Variants in CSMD1 observed in about 807,000 individuals in gnomAD.
The protein encoded by CSMD1 is CUB and Sushi multiple domains 1.
CSMD1 carries 213 observed loss-of-function variants against 417.5 expected under a neutral mutation model. That is an observed-to-expected ratio of 0.51 (90% CI 0.46 to 0.57). The LOEUF (loss-of-function observed/expected upper bound fraction) is 0.57, where lower values mean the gene tolerates loss of function less well. Ranked by LOEUF, CSMD1 falls within the 20% of genes least tolerant of loss-of-function variation. The probability of loss-of-function intolerance (pLI) is 0.00; values close to 1 mark genes in which losing one functional copy is unlikely to be tolerated. For synonymous variants in CSMD1, 2,862 were observed against 1,736.8 expected, an observed-to-expected ratio of 1.65 and a Z score of -16.11; for missense variants, 6,923 against 4,529.7, an observed-to-expected ratio of 1.53 and a Z score of -15.17.
rs374330974 is a variant in CSMD1 at position 4,631,137 on chromosome 8, T to G, written c.302+6205A>C. ...CAGCACTTTGGGAGGCCGAGGCGGGTGGATCACGAGGTCAGGAGTTCTAGA... is the reference window on the plus strand; with the variant it reads ...CAGCACTTTGGGAGGCCGAGGCGGGGGGATCACGAGGTCAGGAGTTCTAGA... On this transcript the variant is annotated intron_variant, in intron 2 of 69. Coordinates refer to ENST00000635120, the MANE Select transcript of CSMD1 (RefSeq NM_033225.6). Among the ~76,000 whole-genome samples the G allele has an allele frequency of 5.4e-3, 826 of 151,882 alleles. 14 individuals are homozygous for G. The highest frequency in any genetic ancestry group is 0.018 in the African/African-American group (761 of 41,396).
At chr8:3,843,854 G>A (rs954260037) in intron 5 of CSMD1, among the ~76,000 whole-genome samples, 1 of 152,202 alleles carries the variant, frequency 6.6e-6, no homozygotes, top group Non-Finnish European at 1.5e-5. Flanking sequence ...ACCTTCGAAA[G>A]TAAAGAGGGA....
At chr8:3,349,869 A>G (rs551716007) in intron 21 of CSMD1, among the ~76,000 whole-genome samples, 2 of 75,290 alleles carry the variant, frequency 2.7e-5, no homozygotes, top group Non-Finnish European at 5.8e-5. Context: ...TTATATAAAT[A>G]TATTTATATC....
intron 3 of CSMD1, among the ~76,000 whole-genome samples, chr8:4,372,793 ACTT>A: frequency 6.6e-6 from 1 of 152,266 alleles, no homozygotes; most frequent in Middle Eastern, 3.4e-3. Context: ...CAATAAATAT[ACTT>A]GAGTGCATAC....
intron 1 of CSMD1, among the ~76,000 whole-genome samples, chr8:4,829,147 C>G (rs997189341): frequency 6.6e-6 from 1 of 152,146 alleles, no homozygotes; most frequent in Non-Finnish European, 1.5e-5. Flanking sequence ...TATGATTGAT[C>G]CTGCCTGTTG....
chr8:3,250,138 G>A (rs749825211), intron 26 of CSMD1, among the ~76,000 whole-genome samples: 31 of 152,222 alleles, frequency 2.0e-4, no homozygotes, highest in Admixed American at 9.2e-4. Context: ...TACATGTGCC[G>A]TGTTGGTGTG....
At chr8:3,690,636 A>G (rs1175882949) in intron 7 of CSMD1, among the ~76,000 whole-genome samples, 2 of 152,174 alleles carry the variant, frequency 1.3e-5, no homozygotes, top group Non-Finnish European at 2.9e-5. Context: ...CTCTCAAAAT[A>G]TTCTTTCACT....
At chr8:3,624,717 GAT>G (rs1400089309) in intron 7 of CSMD1, among the ~76,000 whole-genome samples, 1 of 152,154 alleles carries the variant, frequency 6.6e-6, no homozygotes, top group Non-Finnish European at 1.5e-5. Flanking sequence ...CCCACTCTAG[GAT>G]ATGTGTTTGA....
At chr8:3,642,812 C>T (rs1044258593) in intron 7 of CSMD1, among the ~76,000 whole-genome samples, 1 of 151,848 alleles carries the variant, frequency 6.6e-6, no homozygotes, top group Non-Finnish European at 1.5e-5. Flanking sequence ...GTAGAACCCC[C>T]AGAGATGAAA....
In CSMD1 at chr8:3,027,724, C is replaced by T. The variant is rs117776198; in HGVS notation, c.7855+1595G>A. ...ATGTGTGGGGGTTGTGACTGGACCC[C>T]GCTCCGTGTCAGAAACACCAGAATA... is the stretch of plus-strand genomic sequence containing the variant. On this transcript the variant is annotated intron_variant, in intron 51 of 69. Transcript: ENST00000635120. 3.8e-3 allele frequency among the ~76,000 whole-genome samples: 572 copies of T among 152,182 alleles called. 6 individuals carry two copies. Among genetic ancestry groups the T allele is most frequent in the Middle Eastern group, 0.017 (5 of 294 alleles).
intron 3 of CSMD1, among the ~76,000 whole-genome samples, chr8:4,161,492 AAAAG>A (rs375450933): frequency 5.6e-4 from 86 of 152,320 alleles, no homozygotes; most frequent in African/African-American, 1.9e-3. Flanking sequence ...CTGTTGAGAT[AAAAG>A]AAAAAGGACT....
intron 5 of CSMD1, among the ~76,000 whole-genome samples, chr8:3,825,351 G>A (rs1271515925): frequency 2.0e-5 from 3 of 152,266 alleles, no homozygotes; most frequent in South Asian, 2.1e-4. Context: ...CCAACATGGT[G>A]AAACCTTGTC....
rs186528969 is a variant in CSMD1, at chr8:4,643,031, T to C, written c.86-5473A>G. 8.3e-4 allele frequency among the ~76,000 whole-genome samples: 126 copies of C among 152,326 alleles called. 1 individual carries two copies. Among genetic ancestry groups the C allele is most frequent in the Non-Finnish European group, 1.5e-3 (101 of 68,032 alleles). On this transcript the variant is annotated intron_variant, in intron 1 of 69. Coordinates refer to ENST00000635120, the MANE Select transcript of CSMD1 (RefSeq NM_033225.6). ...GAAAAGACTTGGGAATGTATAATTG[T>C]CTCCAACTCTGGGGCCTGATATCAT...
At chr8:3,201,449 T>C (rs982612823) in intron 32 of CSMD1, among the ~76,000 whole-genome samples, 163 bp downstream of exon 32, 5 of 152,188 alleles carry the variant, frequency 3.3e-5, no homozygotes, top group South Asian at 2.1e-4. Context: ...AAAAACACTT[T>C]TGAGATCTTA....
rs1801516110 is a variant in CSMD1, at chr8:4,852,106, A to G, written c.85+142226T>C. Among the ~76,000 whole-genome samples the G allele has an allele frequency of 3.3e-5, 5 of 152,286 alleles. No individual in the cohort carries two copies. In the South Asian group the frequency reaches 1.0e-3, roughly 32 times the overall value. ...TCTCTCTTTATATCTTTTACTTGTG[A>G]AACTGCTATTTTCTCCCAACTGGGA... On this transcript the variant is annotated intron_variant, in intron 1 of 69. Transcript: ENST00000635120.
intron 3 of CSMD1, among the ~76,000 whole-genome samples, chr8:4,298,876 A>G (rs1242849798): frequency 1.3e-5 from 2 of 152,128 alleles, no homozygotes; most frequent in African/African-American, 4.8e-5. Flanking sequence ...CTTTAATTAG[A>G]CTTAAATGAG....
At chr8:4,353,119 T>C (rs1801194195) in intron 3 of CSMD1, among the ~76,000 whole-genome samples, 1 of 152,334 alleles carries the variant, frequency 6.6e-6, no homozygotes, top group South Asian at 2.1e-4. Flanking sequence ...ATTCGGTTTA[T>C]GTTCTCTGAT....
chr8:4,435,684 CTGACA>C (rs1563170206), intron 2 of CSMD1, among the ~76,000 whole-genome samples: 2 of 152,194 alleles, frequency 1.3e-5, no homozygotes, highest in African/African-American at 4.8e-5. Flanking sequence ...CGAGTTGTTA[CTGACA>C]AGTGGAGGTG....
At chr8:4,901,996 A>T (rs191564945) in intron 1 of CSMD1, among the ~76,000 whole-genome samples, 4 of 152,338 alleles carry the variant, frequency 2.6e-5, no homozygotes, top group Admixed American at 2.6e-4. Context: ...AACATCATTT[A>T]AGAGGCTGTA....
At chr8:3,847,570 T>C (rs1339075749) in intron 5 of CSMD1, among the ~76,000 whole-genome samples, 3 of 152,124 alleles carry the variant, frequency 2.0e-5, no homozygotes, top group Non-Finnish European at 4.4e-5. Flanking sequence ...CTGCTGCTTC[T>C]TGAGGCCCTG....
Sources: gnomAD v4.1 joint callset for allele counts (sites outside exome capture counted in the v4.1 genomes callset) on GRCh38, gnomAD v4.1.1 for gene constraint, MANE v1.5 for transcripts, NCBI Gene and HGNC (gene_info 2026-07-23, HGNC 2026-07-21) for gene names.